CDH18: variants seen among roughly 807,000 people sequenced by gnomAD.
CDH18 encodes cadherin 18, also known as cadherin-18.
Under a neutral mutation model 67.9 loss-of-function variants are expected in CDH18, and 31 were observed. The ratio of observed to expected loss-of-function variants is 0.46; its 90% CI spans 0.34 to 0.62. The LOEUF (loss-of-function observed/expected upper bound fraction) is 0.62, where lower values mean the gene tolerates loss of function less well. CDH18 is among the 20% of genes least tolerant of loss of function. CDH18 has a pLI of 0.01. For missense variants in CDH18, 890 were observed against 975.5 expected (o/e 0.91, Z 1.17); for synonymous variants, 362 against 347.2 (o/e 1.04, Z -0.48).
intron 5 of CDH18, among the ~76,000 whole-genome samples, chr5:19,627,871 G>C (rs907213764): frequency 1.3e-5 from 2 of 152,138 alleles, no homozygotes; most frequent in African/African-American, 4.8e-5. Flanking sequence ...GTAACAGAAA[G>C]AACCAGTGAT....
chr5:19,509,340 C>T (rs952879435), intron 10 of CDH18, among the ~76,000 whole-genome samples: 4 of 152,004 alleles, frequency 2.6e-5, no homozygotes, highest in African/African-American at 9.7e-5. Context: ...CTGTTGGGCA[C>T]AATGTTCACT....
At chr5:19,533,833 A>G (rs1463098670) in intron 9 of CDH18, among the ~76,000 whole-genome samples, 1 of 152,124 alleles carries the variant, frequency 6.6e-6, no homozygotes, top group Non-Finnish European at 1.5e-5. Flanking sequence ...GATTGCTCTT[A>G]TTTTATAAGT....
At chr5:19,669,318 G>A (rs12657913) in intron 5 of CDH18, among the ~76,000 whole-genome samples, 83,180 of 147,946 alleles carry the variant, frequency 0.56, 26,471 homozygotes, top group East Asian at 0.74. Flanking sequence ...TTGAGATGGA[G>A]TTTCATTCTT....
At chr5:19,885,267 G>T (rs1485648432) in intron 2 of CDH18, among the ~76,000 whole-genome samples, 1 of 152,070 alleles carries the variant, frequency 6.6e-6, no homozygotes, top group Admixed American at 6.6e-5. Context: ...TATTAAAACA[G>T]CATGTACTTT....
chr5:19,626,256 T>C (rs1751526041), intron 5 of CDH18, among the ~76,000 whole-genome samples: 3 of 152,144 alleles, frequency 2.0e-5, no homozygotes, highest in Non-Finnish European at 4.4e-5. Flanking sequence ...TTTGAGCCCA[T>C]ATTAAAGATA....
chr5:20,237,526 CAA>C (rs1436965595), intron 2 of CDH18, among the ~76,000 whole-genome samples: 1 of 151,690 alleles, frequency 6.6e-6, no homozygotes, highest in African/African-American at 2.4e-5. Context: ...GTGATATCAA[CAA>C]AGACTCAGAA....
chr5:19,560,279 G>T (rs1283232460), intron 8 of CDH18, among the ~76,000 whole-genome samples: 1 of 152,044 alleles, frequency 6.6e-6, no homozygotes, highest in Non-Finnish European at 1.5e-5. Flanking sequence ...TAAGGCCATA[G>T]TCACCAAAAC....
At chr5:20,401,309 T>C (rs571926188) in intron 1 of CDH18, among the ~76,000 whole-genome samples, 1 of 152,338 alleles carries the variant, frequency 6.6e-6, no homozygotes, top group East Asian at 1.9e-4. Flanking sequence ...ATTACATGCA[T>C]TTCTCATGTA....
intron 2 of CDH18, among the ~76,000 whole-genome samples, chr5:19,881,271 C>G: frequency 6.6e-6 from 1 of 152,074 alleles, no homozygotes; most frequent in East Asian, 1.9e-4. Context: ...ACAAATATTT[C>G]TTTGTCTTAT....
At chr5:19,766,463 T>C (rs987480261) in intron 3 of CDH18, among the ~76,000 whole-genome samples, 1 of 152,170 alleles carries the variant, frequency 6.6e-6, no homozygotes, top group Non-Finnish European at 1.5e-5. Context: ...ACTTTCTTAC[T>C]TAGATTGTCG....
In CDH18 at chr5:19,504,736, C is replaced by A. The variant is rs542405291; in HGVS notation, c.1513-1627G>T. On this transcript the variant is annotated intron_variant, in intron 10 of 12. Coordinates refer to ENST00000382275, the MANE Select transcript of CDH18 (RefSeq NM_004934.5). ...CTTTATAAAACAAATGTTCTCTCAC[C>A]TTGCTCTTGAATTTTAGTGATTCTC... 3.9e-5 allele frequency among the ~76,000 whole-genome samples: 6 copies of A among 152,030 alleles called. No individual in the cohort carries two copies. In the South Asian group the frequency reaches 1.2e-3, roughly 32 times the overall value.
intron 7 of CDH18, among the ~76,000 whole-genome samples, chr5:19,588,295 C>A (rs1744535750): frequency 6.6e-6 from 1 of 151,924 alleles, no homozygotes; most frequent in East Asian, 1.9e-4. Flanking sequence ...TGCCTGATTG[C>A]CCTGGCCAGA....
intron 1 of CDH18, among the ~76,000 whole-genome samples, chr5:20,416,930 T>C (rs917961734): frequency 1.3e-5 from 2 of 152,124 alleles, no homozygotes; most frequent in South Asian, 2.1e-4. Context: ...TTTTCAATAA[T>C]GTGCCCATTA....
intron 2 of CDH18, among the ~76,000 whole-genome samples, chr5:19,877,242 C>T (rs2150043630): frequency 6.6e-6 from 1 of 151,968 alleles, no homozygotes; most frequent in East Asian, 1.9e-4. Context: ...TATTAAATGT[C>T]GTAAAAAGTG....
chr5:20,499,548 C>T (rs918508658), intron 1 of CDH18, among the ~76,000 whole-genome samples: 15 of 152,116 alleles, frequency 9.9e-5, no homozygotes, highest in African/African-American at 2.9e-4. Context: ...TTTAACATCT[C>T]CTCAATCCCA....
At chr5:19,573,735 G>T (rs183705741) in intron 7 of CDH18, among the ~76,000 whole-genome samples, 224 of 152,236 alleles carry the variant, frequency 1.5e-3, no homozygotes, top group African/African-American at 5.1e-3. Context: ...GTACATACTT[G>T]CTGCCTATCA....
intron 5 of CDH18, among the ~76,000 whole-genome samples, chr5:19,628,241 A>G (rs1426138600): frequency 6.6e-6 from 1 of 152,106 alleles, no homozygotes; most frequent in Non-Finnish European, 1.5e-5. Context: ...TTTGCCTGCC[A>G]CCATGATTGT....
At chr5:20,431,504 A>AG (rs1553997938) in intron 1 of CDH18, among the ~76,000 whole-genome samples, 1 of 138,744 alleles carries the variant, frequency 7.2e-6, no homozygotes, top group Non-Finnish European at 1.5e-5. Flanking sequence ...AAAAAAAAAA[A>AG]AAGAAGAAGA....
Position 20,387,205 on chromosome 5 carries a change from T to G in CDH18, c.-579-131700A>C, listed in dbSNP as rs1744382502. On this transcript the variant is annotated intron_variant, in intron 1 of 14. Transcript: ENST00000507958. ...TATTGATTCTTCCTACCCATGAGCA[T>G]GGAATATTCTTCCACTTGTTTGTAT... is the stretch of plus-strand genomic sequence containing the variant. Among the ~76,000 whole-genome samples, 4 of 152,328 alleles carry G rather than the reference T, an allele frequency of 2.6e-5. No individual in the cohort carries two copies. The South Asian group carries it at 8.3e-4, about 32-fold the overall frequency.
Sources: allele counts gnomAD v4.1 joint callset (sites outside exome capture counted in the v4.1 genomes callset), GRCh38; gene constraint gnomAD v4.1.1; transcripts MANE v1.5; gene names NCBI Gene and HGNC (gene_info 2026-07-23, HGNC 2026-07-21).